The following LRRTM3 variants were observed in gnomAD, a reference collection of about 807,000 sequenced individuals.
LRRTM3 encodes the protein leucine rich repeat transmembrane neuronal 3.
A neutral mutation model predicts 44.7 loss-of-function variants in LRRTM3; 24 were observed. The ratio of observed to expected loss-of-function variants is 0.54; its 90% CI spans 0.39 to 0.76. LRRTM3 has a LOEUF of 0.76. LRRTM3 is among the 30% of genes least tolerant of loss of function. The pLI, the probability that LRRTM3 is intolerant of heterozygous loss-of-function variation, is 0.00. For synonymous variants in LRRTM3, 277 were observed against 278.7 expected (o/e 0.99, Z 0.06); for missense variants, 587 against 702.2 (o/e 0.84, Z 1.85).
rs144212344 is a variant in LRRTM3, at chr10:67,019,165, G to C, written c.1537-78422G>C. On this transcript the variant is annotated intron_variant, in intron 2 of 2. Transcript: ENST00000361320. ...GATATCAATACTACCTCATAAATAT[G>C]GGTTACTTCACATTTGAAACCATTC... Among the ~76,000 whole-genome samples, 651 of 152,042 alleles carry C rather than the reference G, an allele frequency of 4.3e-3. 19 individuals are homozygous for C. The highest frequency in any genetic ancestry group is 0.034 in the Middle Eastern group (10 of 294).
At chr10:66,995,882 T>G (rs1589568063) in intron 2 of LRRTM3, among the ~76,000 whole-genome samples, 1 of 152,334 alleles carries the variant, frequency 6.6e-6, no homozygotes, top group East Asian at 1.9e-4. Flanking sequence ...TTCATAAATC[T>G]AATAAGAACT....
chr10:66,954,751 G>A (rs114316460), intron 2 of LRRTM3, among the ~76,000 whole-genome samples: 3,529 of 152,156 alleles, frequency 0.023, 132 homozygotes, highest in African/African-American at 0.081. Context: ...CTTCCTTGGC[G>A]GAATCGACTG....
chr10:66,980,226 T>A (rs940517811), intron 2 of LRRTM3, among the ~76,000 whole-genome samples: 2 of 152,210 alleles, frequency 1.3e-5, no homozygotes, highest in African/African-American at 4.8e-5. Flanking sequence ...CCTCCCCTGA[T>A]GAAGTCAATT....
chr10:66,955,500 G>C (rs765056631), intron 2 of LRRTM3, among the ~76,000 whole-genome samples: 20 of 152,128 alleles, frequency 1.3e-4, no homozygotes, highest in Admixed American at 5.9e-4. Context: ...AGTCGAGGGA[G>C]ACAGAATTCA....
intron 2 of LRRTM3, among the ~76,000 whole-genome samples, chr10:66,975,191 C>G (rs1464523227): frequency 6.6e-6 from 1 of 152,146 alleles, no homozygotes; most frequent in East Asian, 1.9e-4. Flanking sequence ...TGATAGCTAG[C>G]TCAATAACTG....
chr10:67,060,990 A>G (rs1006420654), intron 2 of LRRTM3, among the ~76,000 whole-genome samples: 4 of 152,216 alleles, frequency 2.6e-5, no homozygotes, highest in Non-Finnish European at 5.9e-5. Context: ...ACCTGTCAAA[A>G]TAACCTCAAA....
chr10:67,099,856 T>C lies in LRRTM3; in HGVS notation c.*2060T>C, dbSNP rs935557295. On this transcript the variant is annotated 3_prime_UTR_variant, in exon 3 of 3. Transcript: ENST00000361320. ...TTTCCTTGCAATGTATTATTCTTATTCTTAATTCTCTACATTGAAATTTGG... is the reference window on the plus strand; with the variant it reads ...TTTCCTTGCAATGTATTATTCTTATCCTTAATTCTCTACATTGAAATTTGG... The C allele has an allele frequency of 3.3e-5, 5 of 151,810 alleles. No homozygotes were observed. Among genetic ancestry groups the C allele is most frequent in the Non-Finnish European group, 7.4e-5 (5 of 67,820 alleles). 9.4% of individuals were successfully genotyped at this position (151,810 alleles called of 1,614,324 possible).
intron 2 of LRRTM3, among the ~76,000 whole-genome samples, chr10:67,061,846 A>T (rs1855772933): frequency 1.3e-5 from 2 of 152,238 alleles, no homozygotes; most frequent in African/African-American, 4.8e-5. Context: ...GAGGGAGAAT[A>T]TTTAACATTA....
intron 2 of LRRTM3, among the ~76,000 whole-genome samples, chr10:66,981,249 T>G (rs1850423923): frequency 6.6e-6 from 1 of 152,238 alleles, no homozygotes; most frequent in African/African-American, 2.4e-5. Context: ...ATATCCTGAC[T>G]ACAGTTAAGC....
At chr10:66,961,590 A>C (rs1430565465) in intron 2 of LRRTM3, among the ~76,000 whole-genome samples, 1 of 151,738 alleles carries the variant, frequency 6.6e-6, no homozygotes, top group Admixed American at 6.6e-5. Context: ...GTGTAAATTT[A>C]CTCCTTTAGT....
intron 2 of LRRTM3, among the ~76,000 whole-genome samples, chr10:66,941,284 C>A (rs1847979479): frequency 6.6e-6 from 1 of 152,194 alleles, no homozygotes; most frequent in Non-Finnish European, 1.5e-5. Flanking sequence ...TGCCTGAACA[C>A]AATTTGACTC....
intron 2 of LRRTM3, among the ~76,000 whole-genome samples, chr10:66,953,616 C>A (rs1848647673): frequency 6.6e-6 from 1 of 152,052 alleles, no homozygotes; most frequent in South Asian, 2.1e-4. Context: ...TTCAAAGATA[C>A]ATTACCTTAT....
intron 2 of LRRTM3, among the ~76,000 whole-genome samples, chr10:66,938,366 C>T (rs930365612): frequency 6.6e-6 from 1 of 151,982 alleles, no homozygotes; most frequent in African/African-American, 2.4e-5. Context: ...AGAAGCCTTA[C>T]TGATAATATA....
In LRRTM3 at chr10:66,928,401, G is replaced by C. The variant is rs1229477510; in HGVS notation, c.1485G>C (p.Leu495=). ...PTNTETSEML[L]NGTGPCTYNK... ...ACACGGAGACCAGCGAGATGCTGCTGAATGGGACGGGACCCTGCACCTATA... is the reference window on the plus strand; with the variant it reads ...ACACGGAGACCAGCGAGATGCTGCTCAATGGGACGGGACCCTGCACCTATA... Residue 495 remains leucine, a synonymous_variant, in exon 2 of 3, where the codon CTG becomes CTC. Transcript: ENST00000361320. The C allele has an allele frequency of 6.2e-7, 1 of 1,614,102 alleles. No homozygotes were observed. Among genetic ancestry groups the C allele is most frequent in the East Asian group, 2.2e-5 (1 of 44,876 alleles).
chr10:67,032,516 T>C (rs1275781871), intron 2 of LRRTM3, among the ~76,000 whole-genome samples: 1 of 152,158 alleles, frequency 6.6e-6, no homozygotes, highest in African/African-American at 2.4e-5. Context: ...TGAGAAGATA[T>C]CACAAATCAG....
intron 2 of LRRTM3, among the ~76,000 whole-genome samples, chr10:66,928,761 A>C (rs1337428503): frequency 2.0e-5 from 3 of 152,168 alleles, no homozygotes; most frequent in South Asian, 4.1e-4. Context: ...TTTTAAGATA[A>C]AACTTCTTTC....
chr10:67,028,446 T>TA (rs528843870), intron 2 of LRRTM3, among the ~76,000 whole-genome samples: 260 of 147,328 alleles, frequency 1.8e-3, no homozygotes, highest in African/African-American at 5.8e-3. Flanking sequence ...CAGTCTTTAT[T>TA]AAAAAAAAAA....
chr10:67,033,695 C>T (rs563344446), intron 2 of LRRTM3, among the ~76,000 whole-genome samples: 2 of 152,260 alleles, frequency 1.3e-5, no homozygotes, highest in South Asian at 4.1e-4. Flanking sequence ...ACAGACAGAT[C>T]CTAAATGGTG....
At chr10:67,019,657 G>C (rs900999320) in intron 2 of LRRTM3, among the ~76,000 whole-genome samples, 1 of 152,160 alleles carries the variant, frequency 6.6e-6, no homozygotes, top group African/African-American at 2.4e-5. Flanking sequence ...TGATATAGCT[G>C]GGGCTCAAAG....
Sources: gnomAD v4.1 joint callset for allele counts (sites outside exome capture counted in the v4.1 genomes callset) on GRCh38, gnomAD v4.1.1 for gene constraint, MANE v1.5 for transcripts, NCBI Gene and HGNC (gene_info 2026-07-23, HGNC 2026-07-21) for gene names.